The following RPH3AL variants were observed in gnomAD, a reference collection of about 807,000 sequenced individuals.
RPH3AL encodes the protein rab effector Noc2.
Under a neutral mutation model 43.1 loss-of-function variants are expected in RPH3AL, and 38 were observed. The ratio of observed to expected loss-of-function variants is 0.88; its 90% confidence interval spans 0.68 to 1.15. The LOEUF (loss-of-function observed/expected upper bound fraction) is 1.15, where lower values mean the gene tolerates loss of function less well. Ranked by LOEUF, RPH3AL falls within the 50% of genes most tolerant of loss-of-function variation. RPH3AL has a pLI of 0.00. For synonymous variants in RPH3AL, 189 were observed against 176.3 expected, an observed-to-expected ratio of 1.07 and a Z score of -0.57; for missense variants, 462 against 423.2, an observed-to-expected ratio of 1.09 and a Z score of -0.81.
rs982745106 is a variant in RPH3AL, at chr17:245,223, ATG to A, written c.613+1886_613+1887del. Reference sequence around the variant, plus strand: ...GATGTGAGCGTGTGTGTCCATGTGGATGTGTGTGTGCGTGTGGATGAGAGCAT... The same window carrying A: ...GATGTGAGCGTGTGTGTCCATGTGGATGTGTGTGCGTGTGGATGAGAGCAT... On this transcript the variant is annotated intron_variant, in intron 7 of 9. Coordinates refer to ENST00000331302, the MANE Select transcript of RPH3AL (RefSeq NM_006987.4). The surrounding 1 kb of genome is among the most constrained non-coding windows in gnomAD (Gnocchi z 5.9). Among the ~76,000 whole-genome samples the A allele has an allele frequency of 1.6e-5, 2 of 122,028 alleles. No homozygotes were observed. The highest frequency in any genetic ancestry group is 3.2e-5 in the African/African-American group (1 of 30,990). The allele number at this position is 122,028 out of a possible 152,430, so 80.1% of individuals were successfully genotyped here.
chr17:215,554 T>G lies in RPH3AL; in HGVS notation c.876+100A>C. 9.1e-7 allele frequency: 1 copy of G among 1,102,380 alleles called. No individual in the cohort carries two copies. Among genetic ancestry groups the G allele is most frequent in the Non-Finnish European group, 1.2e-6 (1 of 864,318 alleles). The allele number at this position is 1,102,380 out of a possible 1,614,324, so 68.3% of individuals were successfully genotyped here. On this transcript the variant is annotated intron_variant, in intron 9 of 9. Coordinates refer to ENST00000331302, the MANE Select transcript of RPH3AL (RefSeq NM_006987.4). This position sits in a 1 kb window ranked among gnomAD's most constrained non-coding sequence, Gnocchi z 4.1. ...GTGCTTGGTAAACAACATGCAGAAT[T>G]GAAAACGTCACCGACCAGTCTCCAG...
chr17:258,807 C>A (rs2042132675), intron 6 of RPH3AL, among the ~76,000 whole-genome samples: 1 of 142,392 alleles, frequency 7.0e-6, no homozygotes, highest in African/African-American at 2.7e-5. Flanking sequence ...GTTGCCCAGG[C>A]TGGAGTGCAA....
rs200439017 is a variant in RPH3AL at position 319,547 on chromosome 17, C to A, written c.224G>T (p.Arg75Leu). ...CATGGTCTCCAGCCGCTCCACCAGC[C>A]GCCTGCAGCACAGGACACAGAGTCA... ...LDVLEQQRIG[R>L]LVERLETMRR... is the part of the protein sequence containing the mutation. The change falls in exon 5 of 10, where the codon CGG becomes CTG. Residue 75 changes from arginine to leucine, a missense_variant and splice_region_variant. Coordinates refer to ENST00000331302, the MANE Select transcript of RPH3AL (RefSeq NM_006987.4). 163 of 1,610,830 alleles carry A rather than the reference C, an allele frequency of 1.0e-4. 1 individual carries two copies. In the East Asian group the frequency reaches 3.2e-3, roughly 31 times the overall value.
At chr17:316,136 T>A (rs72477019) in intron 5 of RPH3AL, among the ~76,000 whole-genome samples, 1 of 96,646 alleles carries the variant, frequency 1.0e-5, no homozygotes, top group Non-Finnish European at 2.2e-5. Context: ...TGACCTGCAG[T>A]CCCTGTGCTC....
chr17:314,320 G>A (rs1340662206), intron 5 of RPH3AL, among the ~76,000 whole-genome samples: 5 of 151,728 alleles, frequency 3.3e-5, no homozygotes, highest in Non-Finnish European at 2.9e-5. Flanking sequence ...TGAGAGACAG[G>A]AGGAGGAAGC....
chr17:230,442 C>A (rs2041205798), intron 7 of RPH3AL, among the ~76,000 whole-genome samples: 1 of 152,158 alleles, frequency 6.6e-6, no homozygotes, highest in Admixed American at 6.5e-5. Flanking sequence ...TCAGTAAGGG[C>A]TTCCTGGACG....
chr17:351,140 C>T (rs751962928), intron 1 of RPH3AL, among the ~76,000 whole-genome samples: 17 of 152,190 alleles, frequency 1.1e-4, no homozygotes, highest in Non-Finnish European at 2.2e-4. Context: ...TACCTCTCTC[C>T]AACGTCTCTA....
rs1567576156 is a variant in RPH3AL at position 242,266 on chromosome 17, T to TACCTTCCTCTATTGAC, written c.613+4844_613+4845insGTCAATAGAGGAAGGT. ...ATTCATGATTACCTTCCTCTATTGATTACCTTCCTCTATTGACTACCTTCC... is the reference window on the plus strand; with the variant it reads ...ATTCATGATTACCTTCCTCTATTGATACCTTCCTCTATTGACTACCTTCCTCTATTGACTACCTTCC... On this transcript the variant is annotated intron_variant, in intron 7 of 9. Transcript: ENST00000331302. Among the ~76,000 whole-genome samples, 42 of 128,112 alleles carry TACCTTCCTCTATTGAC rather than the reference T, an allele frequency of 3.3e-4. 1 individual carries two copies. Among genetic ancestry groups the TACCTTCCTCTATTGAC allele is most frequent in the African/African-American group, 9.9e-4 (35 of 35,412 alleles). The allele number at this position is 128,112 out of a possible 152,430, so 84.0% of individuals were successfully genotyped here.
Position 290,245 on chromosome 17 carries a change from G to A in RPH3AL, c.352-8391C>T, listed in dbSNP as rs1046907999. 2.1e-4 allele frequency among the ~76,000 whole-genome samples: 32 copies of A among 152,356 alleles called. No individual in the cohort carries two copies. The highest frequency in any genetic ancestry group is 6.7e-4 in the African/African-American group (28 of 41,580). On this transcript the variant is annotated intron_variant, in intron 5 of 9. Transcript: ENST00000331302. This position sits in a 1 kb window ranked among gnomAD's most constrained non-coding sequence, Gnocchi z 4.2. ...GAGTGATGCTGACCAGCAGGATTGT[G>A]GGAGGCCAAACCAGGGAGAGCCACA...
At chr17:271,859 G>A (rs2042471769) in intron 6 of RPH3AL, among the ~76,000 whole-genome samples, 2 of 152,162 alleles carry the variant, frequency 1.3e-5, no homozygotes, top group Admixed American at 1.3e-4. Context: ...TTTTCAAAGG[G>A]AATGTTTCCA....
rs558015239 is a variant in RPH3AL, at chr17:327,470, G to A, written c.74C>T (p.Ala25Val). The stretch of plus-strand genomic sequence containing the variant: ...GGGGGGCCCCAGAGGTACTCACTTG[G>A]CTCGAAGGGCAAGCTGCCGGTCATT... ...CPNDRQLALR[A>V]KLQTGWSVHT... is the part of the protein sequence containing the mutation. Residue 25 changes from alanine (A) to valine (V), a missense_variant, in exon 3 of 10, where the codon GCC becomes GTC. Physicochemically the swap from Ala to Val is moderately conservative, Grantham distance 64 (BLOSUM62 0). Transcript: ENST00000331302. The A allele has an allele frequency of 6.2e-7, 1 of 1,613,826 alleles. No homozygotes were observed. Among genetic ancestry groups the A allele is most frequent in the African/African-American group, 1.3e-5 (1 of 75,052 alleles).
chr17:319,653 G>C (rs2044404453), intron 4 of RPH3AL, 104 bp from the exon 5 acceptor site: 1 of 1,404,334 alleles, frequency 7.1e-7, no homozygotes, highest in Non-Finnish European at 9.7e-7. Context: ...CCCCTCACCT[G>C]GGATATTGTT....
Position 260,516 on chromosome 17 carries a change from G to A in RPH3AL, c.439-13231C>T, listed in dbSNP as rs555801863. On this transcript the variant is annotated intron_variant, in intron 6 of 9. Transcript: ENST00000331302. ...CTCCAGGGGACAGAGGGGAGACCTC[G>A]CCTTCAAGGGAGACTGCGTTCTGTC... Among the ~76,000 whole-genome samples, 11 of 152,310 alleles carry A rather than the reference G, an allele frequency of 7.2e-5. No homozygotes were observed. The South Asian group carries it at 1.4e-3, about 20-fold the overall frequency.
chr17:336,031 G>A (rs2044945322), intron 1 of RPH3AL: 1 of 13,402 alleles, frequency 7.5e-5, no homozygotes, highest in Non-Finnish European at 2.4e-4. Context: ...CAGGGCGACA[G>A]GGAGGAGATG....
intron 7 of RPH3AL, among the ~76,000 whole-genome samples, chr17:223,946 G>C (rs1472011457): frequency 1.3e-5 from 2 of 151,766 alleles, no homozygotes; most frequent in African/African-American, 4.8e-5. Context: ...CCAGCAGAGA[G>C]GCCAGCACAC....
rs2041731149 is a variant in RPH3AL at position 245,310 on chromosome 17, T to C, written c.613+1801A>G. Reference sequence around the variant, plus strand: ...GTGGGTGTGTGTGTGGATGTGTGTGTGGATGTGGATGTCAGTGTGTGTGTG... The same window carrying C: ...GTGGGTGTGTGTGTGGATGTGTGTGCGGATGTGGATGTCAGTGTGTGTGTG... On this transcript the variant is annotated intron_variant, in intron 7 of 9. Coordinates refer to ENST00000331302, the MANE Select transcript of RPH3AL (RefSeq NM_006987.4). This position sits in a 1 kb window ranked among gnomAD's most constrained non-coding sequence, Gnocchi z 5.9. 6.6e-6 allele frequency among the ~76,000 whole-genome samples: 1 copy of C among 151,120 alleles called. No individual in the cohort carries two copies. Among genetic ancestry groups the C allele is most frequent in the African/African-American group, 2.4e-5 (1 of 40,990 alleles).
rs2042519498 is a variant in RPH3AL at position 272,957 on chromosome 17, T to TACGTCAGGGTGAGACCCCAGCGAGGGTG, written c.438+8810_438+8811insCACCCTCGCTGGGGTCTCACCCTGACGT. 4.9e-4 allele frequency among the ~76,000 whole-genome samples: 13 copies of TACGTCAGGGTGAGACCCCAGCGAGGGTG among 26,748 alleles called. 1 individual carries two copies. The highest frequency in any genetic ancestry group is 1.1e-3 in the African/African-American group (12 of 10,572). 17.5% of individuals were successfully genotyped at this position (26,748 alleles called of 152,430 possible). A position where few individuals can be genotyped will look rare whatever the true frequency, so the allele number is the denominator to read the frequency against. On this transcript the variant is annotated intron_variant, in intron 6 of 9. Transcript: ENST00000331302. ...ATCAGGGAGAGACCCCAGCAAGGGCTACGTCAGGGTGAGACCCCAGCAAGG... is the reference window on the plus strand; with the variant it reads ...ATCAGGGAGAGACCCCAGCAAGGGCTACGTCAGGGTGAGACCCCAGCGAGGGTGACGTCAGGGTGAGACCCCAGCAAGG...
In RPH3AL at chr17:283,284, G is replaced by C. The variant is rs1347718613; in HGVS notation, c.352-1430C>G. On this transcript the variant is annotated intron_variant, in intron 5 of 9. Transcript: ENST00000331302. The surrounding 1 kb of genome is among the most constrained non-coding windows in gnomAD (Gnocchi z 4.2). ...ATGTCACCAACTTGGCTTCCACGTC[G>C]AGCGTGTCGAGCGTGTGGAGGTCAC... is the stretch of plus-strand genomic sequence containing the variant. Among the ~76,000 whole-genome samples, 2 of 152,142 alleles carry C rather than the reference G, an allele frequency of 1.3e-5. No individual in the cohort carries two copies. The highest frequency in any genetic ancestry group is 2.9e-5 in the Non-Finnish European group (2 of 68,026).
At chr17:266,803 C>T (rs1439692700) in intron 6 of RPH3AL, among the ~76,000 whole-genome samples, 13 of 152,260 alleles carry the variant, frequency 8.5e-5, no homozygotes, top group African/African-American at 2.7e-4. Flanking sequence ...AATGCTTTGG[C>T]TTCCATTAAC....
Sources: allele counts gnomAD v4.1 joint callset (sites outside exome capture counted in the v4.1 genomes callset), GRCh38; gene constraint gnomAD v4.1.1; non-coding constraint Gnocchi (gnomAD v3.1); transcripts MANE v1.5; gene names NCBI Gene and HGNC (gene_info 2026-07-23, HGNC 2026-07-21).